TBC1D4: variants seen among roughly 807,000 people sequenced by gnomAD.
TBC1D4 encodes the protein TBC1 domain family member 4.
A neutral mutation model predicts 142.5 loss-of-function variants in TBC1D4; 121 were observed. That is an observed-to-expected ratio of 0.85 (90% CI 0.73 to 0.99). TBC1D4 has a LOEUF of 0.99. Ranked by LOEUF, TBC1D4 falls within the 50% of genes least tolerant of loss-of-function variation. TBC1D4 has a pLI of 0.00. For missense variants in TBC1D4, 1,475 were observed against 1,606.6 expected, an observed-to-expected ratio of 0.92 and a Z score of 1.40; for synonymous variants, 630 against 628.2, an observed-to-expected ratio of 1.00 and a Z score of -0.04.
chr13:75,316,501 C>A (rs908293365), intron 12 of TBC1D4: 2 of 152,108 alleles, frequency 1.3e-5, no homozygotes, highest in Non-Finnish European at 2.9e-5. Flanking sequence ...TTATCTTGTA[C>A]TAAAAATCGA....
intron 1 of TBC1D4, among the ~76,000 whole-genome samples, chr13:75,430,746 C>A (rs1430294370): frequency 6.6e-6 from 1 of 152,124 alleles, no homozygotes; most frequent in Non-Finnish European, 1.5e-5. Context: ...TGAACAGTTG[C>A]TCCCTTAAGG....
Position 75,307,225 on chromosome 13 carries a change from G to T in TBC1D4, c.2594-754C>A, listed in dbSNP as rs548783822. On this transcript the variant is annotated intron_variant, in intron 14 of 20. Transcript: ENST00000377636. ...AATCCTCCTACCTCAGCCTCCCAAA[G>T]AGCTGGGATAACAGGTGTGAGCCAC... Among the ~76,000 whole-genome samples, 5 of 152,270 alleles carry T rather than the reference G, an allele frequency of 3.3e-5. No individual in the cohort carries two copies. In the South Asian group the frequency reaches 8.3e-4, roughly 25 times the overall value.
chr13:75,462,471 T>C (rs1309881529), intron 1 of TBC1D4, among the ~76,000 whole-genome samples: 1 of 152,006 alleles, frequency 6.6e-6, no homozygotes, highest in Non-Finnish European at 1.5e-5. Context: ...AGTTAAAATA[T>C]TGCCTTTTTC....
At chr13:75,333,589 T>C (rs1032888162) in intron 8 of TBC1D4, among the ~76,000 whole-genome samples, 4 of 152,198 alleles carry the variant, frequency 2.6e-5, no homozygotes, top group African/African-American at 9.6e-5. Flanking sequence ...TCCACCACCC[T>C]GAAATACTTT....
chr13:75,291,401 C>A (rs953110214), intron 19 of TBC1D4, among the ~76,000 whole-genome samples: 2 of 152,222 alleles, frequency 1.3e-5, no homozygotes, highest in Non-Finnish European at 2.9e-5. Flanking sequence ...AGCTCCTCTG[C>A]AGCAGGGGTT....
intron 1 of TBC1D4, among the ~76,000 whole-genome samples, chr13:75,408,863 T>C (rs1287482215): frequency 2.0e-5 from 3 of 152,224 alleles, no homozygotes; most frequent in Non-Finnish European, 4.4e-5. Flanking sequence ...ACCATCTGAA[T>C]ACCTTCTTTG....
chr13:75,294,938 T>C lies in TBC1D4; in HGVS notation c.3232A>G (p.Ile1078Val), dbSNP rs1421808159. 3.4e-5 allele frequency: 55 copies of C among 1,614,018 alleles called. No homozygotes were observed. The highest frequency in any genetic ancestry group is 4.6e-5 in the Non-Finnish European group (54 of 1,179,918). The change falls in exon 18 of 21, where the codon ATC becomes GTC. Residue 1078 changes from isoleucine (I) to valine (V), a missense_variant. Physicochemically the swap from Ile to Val is conservative, Grantham distance 29. Transcript: ENST00000377636. Reference protein sequence around the residue: ...DLYNHLEENEISPSLYAAPWF... With the variant: ...DLYNHLEENEVSPSLYAAPWF... Reference sequence around the variant, plus strand: ...GGGGCAGCATAAAGACTGGGGCTGATTTCATTTTCTTCAAGGTGATTGTAG... The same window carrying C: ...GGGGCAGCATAAAGACTGGGGCTGACTTCATTTTCTTCAAGGTGATTGTAG...
intron 20 of TBC1D4, among the ~76,000 whole-genome samples, chr13:75,287,772 C>G (rs992674694): frequency 1.3e-5 from 2 of 152,164 alleles, no homozygotes; most frequent in Non-Finnish European, 2.9e-5. Flanking sequence ...TCCCTCATTT[C>G]TAACCTGTCT....
At chr13:75,414,641 A>G (rs2138093614) in intron 1 of TBC1D4, among the ~76,000 whole-genome samples, 1 of 152,080 alleles carries the variant, frequency 6.6e-6, no homozygotes, top group Middle Eastern at 3.4e-3. Flanking sequence ...GTCTGTGTGT[A>G]TATGCATGTG....
chr13:75,325,340 T>C (rs560125731), intron 10 of TBC1D4, among the ~76,000 whole-genome samples: 5 of 151,998 alleles, frequency 3.3e-5, no homozygotes, highest in Non-Finnish European at 5.9e-5. Flanking sequence ...TAAAACTGTA[T>C]CCTTAGAAGA....
chr13:75,431,634 A>T (rs77605504), intron 1 of TBC1D4, among the ~76,000 whole-genome samples: 3 of 152,190 alleles, frequency 2.0e-5, no homozygotes, highest in Non-Finnish European at 4.4e-5. Context: ...AACTGTAATG[A>T]TGAAAAGTAA....
At chr13:75,382,940 A>C (rs1883935175) in intron 1 of TBC1D4, among the ~76,000 whole-genome samples, 1 of 152,196 alleles carries the variant, frequency 6.6e-6, no homozygotes, top group South Asian at 2.1e-4. Flanking sequence ...CATGAACCTC[A>C]CATTATATTT....
intron 16 of TBC1D4, among the ~76,000 whole-genome samples, chr13:75,300,247 C>T (rs1876390734): frequency 6.6e-6 from 1 of 151,722 alleles, no homozygotes; most frequent in African/African-American, 2.4e-5. Context: ...AATAAATTCC[C>T]CTCTAAAATA....
chr13:75,474,921 G>C (rs12855863), intron 1 of TBC1D4, among the ~76,000 whole-genome samples: 116,756 of 152,044 alleles, frequency 0.77, 46,956 homozygotes, highest in East Asian at 0.97. Flanking sequence ...ACAGGCATGA[G>C]CCACCACGCC....
intron 14 of TBC1D4, 59 bp from the exon 15 acceptor site, chr13:75,306,530 C>T (rs529510908): frequency 6.3e-6 from 10 of 1,594,928 alleles, no homozygotes; most frequent in South Asian, 1.1e-5. Flanking sequence ...AAACTTTAGA[C>T]GTTTGATTGT....
intron 1 of TBC1D4, among the ~76,000 whole-genome samples, chr13:75,476,198 G>C (rs9573557): frequency 6.6e-6 from 1 of 151,928 alleles, no homozygotes; most frequent in African/African-American, 2.4e-5. Flanking sequence ...AGCCGAGATC[G>C]CGCCACTGCA....
chr13:75,385,186 A>G (rs1301136058), intron 1 of TBC1D4, among the ~76,000 whole-genome samples: 1 of 152,178 alleles, frequency 6.6e-6, no homozygotes, highest in Admixed American at 6.5e-5. Flanking sequence ...GCACACCTCT[A>G]AATCACCCAC....
At chr13:75,463,183 A>G (rs542548491) in intron 1 of TBC1D4, among the ~76,000 whole-genome samples, 1 of 151,424 alleles carries the variant, frequency 6.6e-6, no homozygotes, top group South Asian at 2.1e-4. Flanking sequence ...CACTATAGAA[A>G]AAAAAAGTCA....
rs750933788 is a variant in TBC1D4 at position 75,362,195 on chromosome 13, G to C, written c.911C>G (p.Ser304Cys). ...AAACTCCTGCTGCTCATCAAAGCCA[G>C]AATCTTCCAAAATCCGCTCAGGGAA... Reference protein sequence around the residue: ...VCFPERILEDSGFDEQQEFRS... With the variant: ...VCFPERILEDCGFDEQQEFRS... Residue 304 changes from serine to cysteine, a missense_variant, in exon 2 of 21, where the codon TCT becomes TGT. Physicochemically the swap from Ser to Cys is moderately radical, Grantham distance 112. Coordinates refer to ENST00000377636, the MANE Select transcript of TBC1D4 (RefSeq NM_014832.5). This position sits in a 1 kb window ranked among gnomAD's most constrained non-coding sequence, Gnocchi z 4.2. 2 of 1,613,708 alleles carry C rather than the reference G, an allele frequency of 1.2e-6. No individual in the cohort carries two copies. The highest frequency in any genetic ancestry group is 2.7e-5 in the African/African-American group (2 of 74,888).
Sources: gnomAD v4.1 joint callset for allele counts (sites outside exome capture counted in the v4.1 genomes callset) on GRCh38, gnomAD v4.1.1 for gene constraint, Gnocchi (gnomAD v3.1) non-coding constraint, MANE v1.5 for transcripts, NCBI Gene and HGNC (gene_info 2026-07-23, HGNC 2026-07-21) for gene names.